The following SLC35C1 variants were observed in gnomAD, a reference collection of about 807,000 sequenced individuals.
SLC35C1 encodes the protein solute carrier family 35 member C1.
A neutral mutation model predicts 23.2 loss-of-function variants in SLC35C1; 8 were observed. The ratio of observed to expected loss-of-function variants is 0.35; its 90% confidence interval spans 0.20 to 0.62. SLC35C1 has a LOEUF of 0.62. SLC35C1 is among the 20% of genes least tolerant of loss of function. The pLI is 0.75. For synonymous variants in SLC35C1, 226 were observed against 225.1 expected (o/e 1.00, Z -0.04); for missense variants, 422 against 478.6 (o/e 0.88, Z 1.10).
rs12291045 is a variant in SLC35C1, at chr11:45,812,577, A to T, written c.*1242A>T. 603 of 455,998 alleles carry T rather than the reference A, an allele frequency of 1.3e-3. 3 individuals carry two copies. The highest frequency in any genetic ancestry group is 0.01 in the African/African-American group (526 of 50,160). 28.2% of individuals were successfully genotyped at this position (455,998 alleles called of 1,614,324 possible). On this transcript the variant is annotated 3_prime_UTR_variant, in exon 2 of 2. Transcript: ENST00000314134. ...ATGGTGCCTTCTCGCTGTATCCTCA[A>T]TGGTAGAAGCACAAACAAGCAAGCT... is the stretch of plus-strand genomic sequence containing the variant.
chr11:45,805,048 G>C (rs1590741783), upstream of SLC35C1: 1 of 985,818 alleles, frequency 1.0e-6, no homozygotes, highest in Non-Finnish European at 1.2e-6. Flanking sequence ...CGCCTCTCTG[G>C]GGCTGTCGCT....
rs2085859292 is a variant in SLC35C1, at chr11:45,805,455, C to T, written c.-347C>T. The T allele has an allele frequency of 3.5e-6, 4 of 1,155,546 alleles. No homozygotes were observed. Among genetic ancestry groups the T allele is most frequent in the African/African-American group, 1.6e-5 (1 of 63,138 alleles). The allele number at this position is 1,155,546 out of a possible 1,614,324, so 71.6% of individuals were successfully genotyped here. ...CTACTCCTGCCCCGCCCTGCCATTC[C>T]TCTCCCCTCCCTTCTCTCTGCGACC... On this transcript the variant is annotated 5_prime_UTR_variant, in exon 1 of 2. Coordinates refer to ENST00000314134, the MANE Select transcript of SLC35C1 (RefSeq NM_018389.5).
At chr11:45,810,406 C>G (rs56131686) in intron 1 of SLC35C1, 267,979 of 985,240 alleles carry the variant, frequency 0.27, 37,666 homozygotes, top group Non-Finnish European at 0.29. Flanking sequence ...TTTTCAGATG[C>G]CCCAGGCCAG....
chr11:45,811,970 A>C lies in SLC35C1; in HGVS notation c.*635A>C, dbSNP rs1273568840. 6.4e-6 allele frequency: 1 copy of C among 157,474 alleles called. No homozygotes were observed. The highest frequency in any genetic ancestry group is 1.4e-5 in the Non-Finnish European group (1 of 71,020). The allele number at this position is 157,474 out of a possible 1,614,324, so 9.8% of individuals were successfully genotyped here. ...GATTGTGAGAAAGTGCTCACCATCT[A>C]TACACCCTGTATGTCCAGCTTTTGA... On this transcript the variant is annotated 3_prime_UTR_variant, in exon 2 of 2. Coordinates refer to ENST00000314134, the MANE Select transcript of SLC35C1 (RefSeq NM_018389.5).
intron 1 of SLC35C1, chr11:45,809,777 G>A (rs2085917627): frequency 3.0e-6 from 3 of 985,448 alleles, no homozygotes; most frequent in South Asian, 9.4e-5. Context: ...GCCAGATGCT[G>A]TGGCAGGAAG....
chr11:45,805,337 C>A lies in SLC35C1; in HGVS notation c.-465C>A. 1 of 490,464 alleles carries A rather than the reference C, an allele frequency of 2.0e-6. No individual in the cohort carries two copies. Among genetic ancestry groups the A allele is most frequent in the Non-Finnish European group, 2.7e-6 (1 of 374,244 alleles). 30.4% of individuals were successfully genotyped at this position (490,464 alleles called of 1,614,324 possible). On this transcript the variant is annotated 5_prime_UTR_variant, in exon 1 of 2. Coordinates refer to ENST00000314134, the MANE Select transcript of SLC35C1 (RefSeq NM_018389.5). ...TCCCTGTACGCCTCCCTCCCCCTGC[C>A]CGCCCCTCCCTCCCACAGCCGCCCA...
chr11:45,804,470 G>A (rs926935114), upstream of SLC35C1: 1 of 985,876 alleles, frequency 1.0e-6, no homozygotes, highest in Non-Finnish European at 1.2e-6. Context: ...AGGGACGCGG[G>A]AGCTGATGCG....
chr11:45,805,335 G>GGGGC lies in SLC35C1; in HGVS notation c.-467_-466insGGGC. 5 of 566,208 alleles carry GGGGC rather than the reference G, an allele frequency of 8.8e-6. No individual in the cohort carries two copies. The highest frequency in any genetic ancestry group is 1.0e-5 in the Non-Finnish European group (5 of 483,462). The allele number at this position is 566,208 out of a possible 1,614,324, so 35.1% of individuals were successfully genotyped here. A position where few individuals can be genotyped will look rare whatever the true frequency, so the allele number is the denominator to read the frequency against. On this transcript the variant is annotated 5_prime_UTR_variant, in exon 1 of 2. Coordinates refer to ENST00000314134, the MANE Select transcript of SLC35C1 (RefSeq NM_018389.5). ...GCTCCCTGTACGCCTCCCTCCCCCT[G>GGGGC]CCCGCCCCTCCCTCCCACAGCCGCC...
rs2085956678 is a variant in SLC35C1, at chr11:45,812,285, C to T, written c.*950C>T. 3.2e-6 allele frequency: 1 copy of T among 311,028 alleles called. No homozygotes were observed. Among genetic ancestry groups the T allele is most frequent in the Non-Finnish European group, 6.5e-6 (1 of 154,796 alleles). The allele number at this position is 311,028 out of a possible 1,614,324, so 19.3% of individuals were successfully genotyped here. A position where few individuals can be genotyped will look rare whatever the true frequency, so the allele number is the denominator to read the frequency against. On this transcript the variant is annotated 3_prime_UTR_variant, in exon 2 of 2. Coordinates refer to ENST00000314134, the MANE Select transcript of SLC35C1 (RefSeq NM_018389.5). The stretch of plus-strand genomic sequence containing the variant: ...CCAGCTGTGTCTGGCGCCCCTAGAT[C>T]TCTGCAAGGGAGGTGTTACAGCTGG...
chr11:45,806,819 C>G (rs1460959204), intron 1 of SLC35C1: 5 of 848,426 alleles, frequency 5.9e-6, no homozygotes, highest in Non-Finnish European at 7.1e-6. Context: ...TATTGTTTCT[C>G]AAGAGCTCAG....
At chr11:45,804,548 C>G (rs781078502), upstream of SLC35C1, 1 of 985,524 alleles carries the variant, frequency 1.0e-6, no homozygotes, top group Non-Finnish European at 1.2e-6. Context: ...CCTTTGGAAT[C>G]TCGGATCCGG....
chr11:45,806,821 A>G, intron 1 of SLC35C1: 1 of 851,932 alleles, frequency 1.2e-6, no homozygotes, highest in Non-Finnish European at 1.4e-6. Flanking sequence ...TTGTTTCTCA[A>G]GAGCTCAGGT....
upstream of SLC35C1, chr11:45,804,993 A>G (rs958450241): frequency 1.0e-6 from 1 of 985,732 alleles, no homozygotes; most frequent in Non-Finnish European, 1.2e-6. Flanking sequence ...CCCCGCCAGC[A>G]GCGGGCAGCG....
At chr11:45,804,884 G>T (rs1047225642), upstream of SLC35C1, 2 of 985,720 alleles carry the variant, frequency 2.0e-6, no homozygotes, top group African/African-American at 3.5e-5. Context: ...GAGGCTCCGG[G>T]GCGGACGGAG....
At chr11:45,804,882 G>A (rs1348352084), upstream of SLC35C1, 4 of 985,642 alleles carry the variant, frequency 4.1e-6, no homozygotes, top group South Asian at 9.4e-5. Context: ...CGGAGGCTCC[G>A]GGGCGGACGG....
At chr11:45,808,738 C>T (rs10838516) in intron 1 of SLC35C1, among the ~76,000 whole-genome samples, 47,675 of 151,674 alleles carry the variant, frequency 0.31, 9,113 homozygotes, top group Middle Eastern at 0.5. Context: ...CATGGTGGCT[C>T]ATGCCTGTAA....
chr11:45,810,936 C>G lies in SLC35C1; in HGVS notation c.696C>G (p.Phe232Leu), dbSNP rs551127058. 1.2e-5 allele frequency: 19 copies of G among 1,612,690 alleles called. No homozygotes were observed. In the South Asian group the frequency reaches 2.0e-4, roughly 17 times the overall value. The change falls in exon 2 of 2, where the codon TTC becomes TTG. Residue 232 changes from phenylalanine to leucine, a missense_variant. Transcript: ENST00000314134. ...AVDGSIWRLT[F>L]YNNVNACILF... ...ACGGCAGCATCTGGCGCCTGACTTT[C>G]TACAACAACGTCAACGCCTGCATCC...
Position 45,811,634 on chromosome 11 carries a change from T to G in SLC35C1, c.*299T>G. The G allele has an allele frequency of 3.2e-6, 1 of 311,818 alleles. No homozygotes were observed. 19.3% of individuals were successfully genotyped at this position (311,818 alleles called of 1,614,324 possible). ...AGCACCCTAGTGAGAGTTGAACCCC[T>G]TCCTTCTGCCTCCAGGGCCTGTCTG... On this transcript the variant is annotated 3_prime_UTR_variant, in exon 2 of 2. Coordinates refer to ENST00000314134, the MANE Select transcript of SLC35C1 (RefSeq NM_018389.5).
In SLC35C1 at chr11:45,811,416, G is replaced by A; in HGVS notation, c.*81G>A. 2 of 1,222,878 alleles carry A rather than the reference G, an allele frequency of 1.6e-6. No homozygotes were observed. The highest frequency in any genetic ancestry group is 2.2e-6 in the Non-Finnish European group (2 of 906,948). The allele number at this position is 1,222,878 out of a possible 1,614,324, so 75.8% of individuals were successfully genotyped here. On this transcript the variant is annotated 3_prime_UTR_variant, in exon 2 of 2. Coordinates refer to ENST00000314134, the MANE Select transcript of SLC35C1 (RefSeq NM_018389.5). ...GCACAGTAGTGAAGGCGGTCTCCTG[G>A]ACCCCAGAAGCGTGCTGTGGTGTGG...
Sources: allele counts gnomAD v4.1 joint callset (sites outside exome capture counted in the v4.1 genomes callset), GRCh38; gene constraint gnomAD v4.1.1; transcripts MANE v1.5; gene names NCBI Gene and HGNC (gene_info 2026-07-23, HGNC 2026-07-21).